Variants in SP4 observed in about 807,000 individuals in gnomAD.
SP4 encodes Sp4 transcription factor.
A neutral mutation model predicts 72.8 loss-of-function variants in SP4; 19 were observed. The ratio of observed to expected loss-of-function variants is 0.26; its 90% CI spans 0.18 to 0.38. The LOEUF (loss-of-function observed/expected upper bound fraction) is 0.38, where lower values mean the gene tolerates loss of function less well. Among genes scored for constraint, SP4 ranks in the 10% least tolerant of loss-of-function variants. The pLI is 1.00. For missense variants in SP4, 1,008 were observed against 926.3 expected (o/e 1.09, Z -1.14); for synonymous variants, 395 against 333.1 (o/e 1.19, Z -2.02).
At chr7:21,483,509 G>C (rs1313191778) in intron 5 of SP4, among the ~76,000 whole-genome samples, 1 of 151,766 alleles carries the variant, frequency 6.6e-6, no homozygotes, top group African/African-American at 2.4e-5. Context: ...TTGTAAGTTT[G>C]ATCTTTTATT....
At chr7:21,441,599 T>G (rs1435299406) in intron 3 of SP4, among the ~76,000 whole-genome samples, 1 of 151,946 alleles carries the variant, frequency 6.6e-6, no homozygotes, top group South Asian at 2.1e-4. Context: ...CTTATGAGAG[T>G]GTTTCTTTGT....
chr7:21,457,421 T>G (rs1447213710), intron 3 of SP4, among the ~76,000 whole-genome samples: 1 of 152,226 alleles, frequency 6.6e-6, no homozygotes, highest in Non-Finnish European at 1.5e-5. Context: ...AGATTGTGCC[T>G]TGCATGTGGT....
chr7:21,431,301 T>A (rs1782845941), intron 3 of SP4, among the ~76,000 whole-genome samples: 1 of 152,194 alleles, frequency 6.6e-6, no homozygotes, highest in Admixed American at 6.5e-5. Flanking sequence ...TAGTGGAAGT[T>A]ATTTCTCAAG....
rs139533209 is a variant in SP4, at chr7:21,469,891, CA to C, written c.1679-7178del. Among the ~76,000 whole-genome samples, 8 of 144,746 alleles carry C rather than the reference CA, an allele frequency of 5.5e-5. No individual in the cohort carries two copies. The South Asian group carries it at 6.6e-4, about 12-fold the overall frequency. The allele number at this position is 144,746 out of a possible 152,430, so 95.0% of individuals were successfully genotyped here. A position where few individuals can be genotyped will look rare whatever the true frequency, so the allele number is the denominator to read the frequency against. On this transcript the variant is annotated intron_variant, in intron 3 of 5. Transcript: ENST00000222584. ...GTTAATATTTTTATAATACTCTTTTCAAAAAAAAAACACCTTGCTGAATGTA... is the reference window on the plus strand; with the variant it reads ...GTTAATATTTTTATAATACTCTTTTCAAAAAAAAACACCTTGCTGAATGTA...
Position 21,430,313 on chromosome 7 carries a change from T to G in SP4, c.1148T>G (p.Met383Arg). Reference protein sequence around the residue: ...QSSSQLQPNGMQNAQDQSNSL... With the variant: ...QSSSQLQPNGRQNAQDQSNSL... ...TCCAGTCAGCTTCAGCCTAATGGAA[T>G]GCAGAATGCACAGGATCAATCAAAT... is the stretch of plus-strand genomic sequence containing the variant. The change falls in exon 3 of 6, where the codon ATG (methionine) becomes AGG (arginine). Residue 383 changes from methionine (M) to arginine (R), a missense_variant. This residue lies in a region of SP4 where 893 missense variants were observed against 743.3 expected (regional missense o/e 1.20). Transcript: ENST00000222584. 6.2e-7 allele frequency: 1 copy of G among 1,614,246 alleles called. No individual in the cohort carries two copies. Among genetic ancestry groups the G allele is most frequent in the Non-Finnish European group, 8.5e-7 (1 of 1,180,042 alleles).
At chr7:21,448,488 T>C (rs1783493262) in intron 3 of SP4, among the ~76,000 whole-genome samples, 1 of 152,128 alleles carries the variant, frequency 6.6e-6, no homozygotes, top group Non-Finnish European at 1.5e-5. Flanking sequence ...GACATTGTGG[T>C]GCTGGTGAAA....
Sources: gnomAD v4.1 joint callset for allele counts (sites outside exome capture counted in the v4.1 genomes callset) on GRCh38, gnomAD v4.1.1 for gene constraint, gnomAD v4.1.1 regional missense constraint, MANE v1.5 for transcripts, NCBI Gene and HGNC (gene_info 2026-07-23, HGNC 2026-07-21) for gene names.